R3HDM2: variants seen among roughly 807,000 people sequenced by gnomAD.
R3HDM2 encodes R3H domain-containing protein 2.
R3HDM2 carries 38 observed loss-of-function variants against 124.5 expected under a neutral mutation model. The observed-to-expected ratio is 0.31, with a 90% CI of 0.24 to 0.40. The LOEUF (loss-of-function observed/expected upper bound fraction) is 0.40. Ranked by LOEUF, R3HDM2 falls within the 10% of genes least tolerant of loss-of-function variation. The pLI, the probability that R3HDM2 is intolerant of heterozygous loss-of-function variation, is 1.00. For synonymous variants in R3HDM2, 391 were observed against 448.0 expected, an observed-to-expected ratio of 0.87 and a Z score of 1.61; for missense variants, 869 against 1,236.9, an observed-to-expected ratio of 0.70 and a Z score of 4.46.
chr12:57,279,708 G>A (rs1287374911), intron 14 of R3HDM2, among the ~76,000 whole-genome samples: 1 of 151,894 alleles, frequency 6.6e-6, no homozygotes, highest in African/African-American at 2.4e-5. Context: ...CTGAAGTTCT[G>A]GTTTAGAACA....
At chr12:57,413,039 G>A (rs952469456) in intron 1 of R3HDM2, among the ~76,000 whole-genome samples, 1 of 152,056 alleles carries the variant, frequency 6.6e-6, no homozygotes, top group African/African-American at 2.4e-5. Flanking sequence ...CTGTAGTCCA[G>A]CTACTTAGGA....
At chr12:57,404,315 C>T (rs1037649049) in intron 1 of R3HDM2, among the ~76,000 whole-genome samples, 9 of 150,804 alleles carry the variant, frequency 6.0e-5, no homozygotes, top group Non-Finnish European at 1.0e-4. Context: ...CCACCCGCCT[C>T]AGCCTCCCAA....
intron 2 of R3HDM2, among the ~76,000 whole-genome samples, chr12:57,378,571 G>A (rs746393040): frequency 5.9e-5 from 9 of 152,016 alleles, no homozygotes; most frequent in African/African-American, 1.7e-4. Flanking sequence ...TAGAGACAGC[G>A]TTTTGCCATG....
At chr12:57,357,793 T>C (rs2061464080) in intron 2 of R3HDM2, among the ~76,000 whole-genome samples, 1 of 152,032 alleles carries the variant, frequency 6.6e-6, no homozygotes, top group Non-Finnish European at 1.5e-5. Flanking sequence ...AACTATTTAA[T>C]GCTATAAACT....
intron 2 of R3HDM2, among the ~76,000 whole-genome samples, chr12:57,313,798 T>C (rs1379207262): frequency 6.8e-6 from 1 of 147,108 alleles, no homozygotes; most frequent in African/African-American, 2.5e-5. Flanking sequence ...GGAGGATCAC[T>C]TGAGCCCAGA....
rs781543765 is a variant in R3HDM2 at position 57,292,679 on chromosome 12, A to G, written c.811-12T>C. ...AATGGAACTCTGATCTAGATCGATG[A>G]GCAGAATTAAGCTAGTTAAGTTCTC... On this transcript the variant is annotated splice_polypyrimidine_tract_variant and intron_variant, in intron 10 of 23. Transcript: ENST00000402412. 3 of 1,522,370 alleles carry G rather than the reference A, an allele frequency of 2.0e-6. No individual in the cohort carries two copies. In the South Asian group the frequency reaches 3.6e-5, roughly 18 times the overall value. 94.3% of individuals were successfully genotyped at this position (1,522,370 alleles called of 1,614,324 possible).
At chr12:57,316,570 C>T (rs2055066724) in intron 2 of R3HDM2, among the ~76,000 whole-genome samples, 1 of 149,516 alleles carries the variant, frequency 6.7e-6, no homozygotes, top group African/African-American at 2.5e-5. Context: ...AGAAAATAAG[C>T]CTGCATCCAT....
intron 2 of R3HDM2, among the ~76,000 whole-genome samples, chr12:57,387,492 A>C (rs999570682): frequency 6.6e-6 from 1 of 152,206 alleles, no homozygotes; most frequent in South Asian, 2.1e-4. Flanking sequence ...TTCTGGACAA[A>C]GGTTTACTGT....
At chr12:57,383,719 A>C (rs987542602) in intron 2 of R3HDM2, among the ~76,000 whole-genome samples, 3 of 151,990 alleles carry the variant, frequency 2.0e-5, no homozygotes, top group African/African-American at 7.2e-5. Flanking sequence ...AACAAACAAA[A>C]TAATAATAAT....
At chr12:57,363,684 T>C (rs777449377) in intron 2 of R3HDM2, among the ~76,000 whole-genome samples, 1 of 152,174 alleles carries the variant, frequency 6.6e-6, no homozygotes, top group Non-Finnish European at 1.5e-5. Context: ...ATGTAACCCA[T>C]AAATATATAC....
In R3HDM2 at chr12:57,279,299, C is replaced by G. The variant is rs567466692; in HGVS notation, c.1344+1059G>C. Among the ~76,000 whole-genome samples the G allele has an allele frequency of 7.3e-5, 11 of 151,024 alleles. 2 individuals carry two copies. In the South Asian group the frequency reaches 1.7e-3, roughly 23 times the overall value. ...ATGGGTTCAAGCGATTCTCCTGCCT[C>G]AGCCTCCCTAGTAGCTGGGATTACA... On this transcript the variant is annotated intron_variant, in intron 14 of 23. Transcript: ENST00000402412.
intron 12 of R3HDM2, among the ~76,000 whole-genome samples, chr12:57,284,605 G>A (rs1047545124): frequency 9.2e-5 from 14 of 152,166 alleles, no homozygotes; most frequent in African/African-American, 2.9e-4. Context: ...TGAACTAAAG[G>A]GGCACTAACT....
intron 2 of R3HDM2, among the ~76,000 whole-genome samples, chr12:57,326,771 G>C (rs751721351): frequency 7.2e-5 from 11 of 152,162 alleles, no homozygotes; most frequent in Non-Finnish European, 1.6e-4. Context: ...TGCTTCAAAG[G>C]ACAGGCTGAT....
At chr12:57,360,006 A>AATAAATAAATATATATATATATATAT (rs1403496780) in intron 2 of R3HDM2, among the ~76,000 whole-genome samples, 4 of 117,688 alleles carry the variant, frequency 3.4e-5, no homozygotes, top group African/African-American at 1.2e-4. Context: ...TAAATAAATA[A>AATAAATAAATATATATATATATATAT]ATATATATAT....
At chr12:57,337,780 A>G (rs1007768831) in intron 2 of R3HDM2, among the ~76,000 whole-genome samples, 1 of 152,140 alleles carries the variant, frequency 6.6e-6, no homozygotes. Flanking sequence ...TTACCTCCCA[A>G]TATGAAAGCC....
At chr12:57,307,599 G>T (rs146239652) in intron 3 of R3HDM2, among the ~76,000 whole-genome samples, 269 of 147,086 alleles carry the variant, frequency 1.8e-3, no homozygotes, top group Non-Finnish European at 3.2e-3. Flanking sequence ...GGGATTATAG[G>T]CATGAGCCAC....
intron 1 of R3HDM2, among the ~76,000 whole-genome samples, chr12:57,404,064 A>ATTTTTTTTTTTTTTTTTTTTTTTTT (rs767234283): frequency 1.3e-5 from 1 of 77,016 alleles, no homozygotes; most frequent in Non-Finnish European, 2.3e-5. Flanking sequence ...TCCACTCCTA[A>ATTTTTTTTTTTTTTTTTTTTTTTTT]TTTTTTTTTT....
rs113554646 is a variant in R3HDM2, at chr12:57,327,926, A to G, written c.-35-17463T>C. ...AAGGATTTAGAATATTACATAAACT[A>G]AGTTGATAAAGCAGTGGCAGGGTTT... On this transcript the variant is annotated intron_variant, in intron 2 of 23. Coordinates refer to ENST00000402412, the MANE Select transcript of R3HDM2 (RefSeq NM_001394031.1). 4.5e-3 allele frequency among the ~76,000 whole-genome samples: 680 copies of G among 152,308 alleles called. 4 individuals carry two copies. The highest frequency in any genetic ancestry group is 7.6e-3 in the Non-Finnish European group (515 of 68,032).
At chr12:57,424,114 CAAAAAAAAAAAAAAA>C (rs35579430) in intron 1 of R3HDM2, among the ~76,000 whole-genome samples, 2 of 63,862 alleles carry the variant, frequency 3.1e-5, no homozygotes, top group East Asian at 1.1e-3. Context: ...AACTCTGTCT[CAAAAAAAAAAAAAAA>C]AAAAAAAAAA....
Sources: allele counts gnomAD v4.1 joint callset (sites outside exome capture counted in the v4.1 genomes callset), GRCh38; gene constraint gnomAD v4.1.1; transcripts MANE v1.5; gene names NCBI Gene and HGNC (gene_info 2026-07-23, HGNC 2026-07-21).